Variants in SFMBT2 observed in about 807,000 individuals in gnomAD.
The protein encoded by SFMBT2 is Scm like with four mbt domains 2, also known as scm-like with four MBT domains protein 2.
SFMBT2 carries 38 observed loss-of-function variants against 110.1 expected under a neutral mutation model. The observed-to-expected ratio is 0.35, with a 90% CI of 0.27 to 0.45. The LOEUF (loss-of-function observed/expected upper bound fraction) is 0.45, where lower values mean the gene tolerates loss of function less well. Ranked by LOEUF, SFMBT2 falls within the 20% of genes least tolerant of loss-of-function variation. SFMBT2 has a pLI of 1.00. For synonymous variants in SFMBT2, 425 were observed against 425.4 expected, an observed-to-expected ratio of 1.00 and a Z score of 0.01; for missense variants, 1,011 against 1,094.9, an observed-to-expected ratio of 0.92 and a Z score of 1.08.
chr10:7,344,374 G>A (rs34939613), intron 4 of SFMBT2, among the ~76,000 whole-genome samples: 7,159 of 152,188 alleles, frequency 0.047, 239 homozygotes, highest in Non-Finnish European at 0.075. Flanking sequence ...TCCTGATAGT[G>A]AGTAAGTCTC....
chr10:7,290,313 C>T (rs1480617343), intron 4 of SFMBT2, among the ~76,000 whole-genome samples: 3 of 151,052 alleles, frequency 2.0e-5, no homozygotes, highest in Admixed American at 1.3e-4. Context: ...AACATTTTTT[C>T]AAGGTTTTAC....
chr10:7,378,148 A>T (rs1845305368), intron 2 of SFMBT2, among the ~76,000 whole-genome samples: 1 of 131,772 alleles, frequency 7.6e-6, no homozygotes, highest in African/African-American at 3.0e-5. Flanking sequence ...GAGTGTATGG[A>T]TGGGTGGATG....
intron 4 of SFMBT2, among the ~76,000 whole-genome samples, chr10:7,366,012 C>T (rs1844885427): frequency 1.3e-5 from 2 of 152,108 alleles, no homozygotes; most frequent in Admixed American, 6.5e-5. Flanking sequence ...CAACTGCAAC[C>T]GTGATGAACA....
chr10:7,246,516 C>T (rs1049659521), intron 8 of SFMBT2, among the ~76,000 whole-genome samples: 9 of 151,790 alleles, frequency 5.9e-5, no homozygotes, highest in Admixed American at 2.0e-4. Context: ...GTCAGGAGTT[C>T]GAGACCAGCC....
rs1313770950 is a variant in SFMBT2, at chr10:7,385,441, T to C, written c.-51-3492A>G. ...ACCGGGAATGTGGAGGGGAGAAGGG[T>C]GTGCAACTGAAGGAAAAAGGTAGGA... On this transcript the variant is annotated intron_variant, in intron 1 of 20. Coordinates refer to ENST00000397167, the MANE Select transcript of SFMBT2 (RefSeq NM_001387889.1). Among the ~76,000 whole-genome samples, 3 of 151,858 alleles carry C rather than the reference T, an allele frequency of 2.0e-5. No individual in the cohort carries two copies. The East Asian group carries it at 5.8e-4, about 29-fold the overall frequency.
intron 7 of SFMBT2, among the ~76,000 whole-genome samples, chr10:7,274,123 G>A (rs188883613): frequency 6.6e-6 from 1 of 152,296 alleles, no homozygotes; most frequent in Non-Finnish European, 1.5e-5. Flanking sequence ...TAAGGGATGT[G>A]ACCTCCAGTA....
intron 1 of SFMBT2, among the ~76,000 whole-genome samples, chr10:7,402,704 A>G (rs908605218): frequency 2.0e-5 from 3 of 152,336 alleles, no homozygotes; most frequent in African/African-American, 4.8e-5. Context: ...GAAGGGGTCT[A>G]CAAGCAGCTG....
chr10:7,403,658 T>C (rs1260897935), intron 1 of SFMBT2, among the ~76,000 whole-genome samples: 1 of 152,002 alleles, frequency 6.6e-6, no homozygotes, highest in Non-Finnish European at 1.5e-5. Context: ...AGTAAATAAA[T>C]AAAAATAAAT....
chr10:7,217,027 A>G (rs1019539533), intron 11 of SFMBT2, among the ~76,000 whole-genome samples: 2 of 152,250 alleles, frequency 1.3e-5, no homozygotes, highest in Non-Finnish European at 2.9e-5. Flanking sequence ...ATGAAAGTAG[A>G]TAAACATAAA....
chr10:7,398,396 G>A (rs1012075197), intron 1 of SFMBT2, among the ~76,000 whole-genome samples: 5 of 152,152 alleles, frequency 3.3e-5, no homozygotes, highest in African/African-American at 9.6e-5. Flanking sequence ...CTTGAAAGTC[G>A]GTTTATTTAC....
At chr10:7,178,925 T>G (rs572870688) in intron 16 of SFMBT2, among the ~76,000 whole-genome samples, 1 of 152,350 alleles carries the variant, frequency 6.6e-6, no homozygotes, top group Non-Finnish European at 1.5e-5. Context: ...GATCATAGGT[T>G]TTTATTTCGT....
At chr10:7,379,450 T>C (rs1269341406) in intron 2 of SFMBT2, among the ~76,000 whole-genome samples, 3 of 152,110 alleles carry the variant, frequency 2.0e-5, no homozygotes, top group African/African-American at 7.2e-5. Context: ...ATAAGCTACT[T>C]GTGGAATGAA....
chr10:7,304,692 G>A (rs948404539), intron 4 of SFMBT2, among the ~76,000 whole-genome samples: 12 of 152,216 alleles, frequency 7.9e-5, no homozygotes, highest in African/African-American at 2.2e-4. Context: ...TATCGATGCC[G>A]TCCATCAGAG....
chr10:7,267,636 G>C (rs1017194766), intron 7 of SFMBT2, among the ~76,000 whole-genome samples: 4 of 152,146 alleles, frequency 2.6e-5, no homozygotes, highest in Non-Finnish European at 4.4e-5. Flanking sequence ...ACCTCAAGTA[G>C]ATCTGCCAGC....
intron 7 of SFMBT2, among the ~76,000 whole-genome samples, chr10:7,256,217 G>A (rs1254741242): frequency 6.6e-6 from 1 of 152,164 alleles, no homozygotes; most frequent in African/African-American, 2.4e-5. Context: ...TTCAGTCTGA[G>A]CCCACCCTCT....
intron 9 of SFMBT2, among the ~76,000 whole-genome samples, chr10:7,230,833 T>C (rs757716172): frequency 1.3e-5 from 2 of 152,126 alleles, no homozygotes; most frequent in Non-Finnish European, 2.9e-5. Flanking sequence ...CTCAGGAGGC[T>C]GAGGCAGGAG....
intron 7 of SFMBT2, among the ~76,000 whole-genome samples, chr10:7,275,015 A>G (rs541820378): frequency 6.6e-6 from 1 of 152,226 alleles, no homozygotes; most frequent in African/African-American, 2.4e-5. Context: ...CCCACTTCCC[A>G]TCCTGTCAAC....
At position 7,160,760 on chromosome 10, in the gene SFMBT2, G is replaced by A. The variant is rs1588749852; in HGVS notation, c.*3010C>T. The A allele has an allele frequency of 6.6e-6, 1 of 152,304 alleles. No homozygotes were observed. Among genetic ancestry groups the A allele is most frequent in the Middle Eastern group, 3.4e-3 (1 of 294 alleles). The allele number at this position is 152,304 out of a possible 1,614,324, so 9.4% of individuals were successfully genotyped here. On this transcript the variant is annotated 3_prime_UTR_variant, in exon 21 of 21. Transcript: ENST00000397167. The stretch of plus-strand genomic sequence containing the variant: ...CCTTTAAGACAGACGCTGGTGAGAG[G>A]TGAATCCTACAGAGAAATGAAAACA...
rs143479634 is a variant in SFMBT2, at chr10:7,223,074, T to C, written c.1204-2537A>G. Among the ~76,000 whole-genome samples the C allele has an allele frequency of 9.5e-3, 1,440 of 152,280 alleles. 9 individuals are homozygous for C. Among genetic ancestry groups the C allele is most frequent in the Middle Eastern group, 0.031 (9 of 294 alleles). On this transcript the variant is annotated intron_variant, in intron 10 of 20. Coordinates refer to ENST00000397167, the MANE Select transcript of SFMBT2 (RefSeq NM_001387889.1). ...CCAAAGACACTCACATGCTGAGGTA[T>C]TGGGGGTTAGGATTTGAACATATGA...
Sources: allele counts gnomAD v4.1 joint callset (sites outside exome capture counted in the v4.1 genomes callset), GRCh38; gene constraint gnomAD v4.1.1; transcripts MANE v1.5; gene names NCBI Gene and HGNC (gene_info 2026-07-23, HGNC 2026-07-21).